The following ARL13B variants were observed in gnomAD, a reference collection of about 807,000 sequenced individuals.
ARL13B encodes the protein ARF like GTPase 13B.
A neutral mutation model predicts 56.1 loss-of-function variants in ARL13B; 36 were observed. That is an observed-to-expected ratio of 0.64 (90% CI 0.49 to 0.85). The LOEUF (loss-of-function observed/expected upper bound fraction) is 0.85, where lower values mean the gene tolerates loss of function less well. Ranked by LOEUF, ARL13B falls within the 40% of genes least tolerant of loss-of-function variation. The probability of loss-of-function intolerance (pLI) is 0.00; values close to 1 mark genes in which losing one functional copy is unlikely to be tolerated. For synonymous variants in ARL13B, 178 were observed against 171.1 expected (o/e 1.04, Z -0.32); for missense variants, 519 against 507.1 (o/e 1.02, Z -0.23).
intron 2 of ARL13B, among the ~76,000 whole-genome samples, chr3:94,000,390 G>T (rs1221094984): frequency 6.6e-6 from 1 of 150,866 alleles, no homozygotes; most frequent in African/African-American, 2.5e-5. Context: ...ATGAGCCTAG[G>T]TAAAAAAAAA....
intron 2 of ARL13B, among the ~76,000 whole-genome samples, chr3:93,998,533 A>G (rs893716692): frequency 2.6e-5 from 4 of 152,196 alleles, no homozygotes; most frequent in African/African-American, 9.7e-5. Context: ...AACTTCCCAG[A>G]TGTAAGCCTT....
chr3:94,050,833 G>A lies in ARL13B; in HGVS notation c.1151G>A (p.Gly384Glu), dbSNP rs146264035. Residue 384 changes from glycine (G) to glutamate (E), a missense_variant, in exon 9 of 10, where the codon GGA becomes GAA. Coordinates refer to ENST00000394222, the MANE Select transcript of ARL13B (RefSeq NM_001174150.2). ...TTTTCTTTTTCTTTAGTTGGCTGGG[G>A]AACCCCTAAAGTCACTAGACTTCCA... ...PPPPPPPVGW[G>E]TPKVTRLPKL... is the part of the protein sequence containing the mutation. The A allele has an allele frequency of 1.6e-3, 2,593 of 1,612,250 alleles. 8 individuals are homozygous for A. Among genetic ancestry groups the A allele is most frequent in the Middle Eastern group, 9.9e-3 (60 of 6,056 alleles).
chr3:94,018,506 TATTGGAAG>T (rs2076380642), intron 3 of ARL13B, among the ~76,000 whole-genome samples: 1 of 152,124 alleles, frequency 6.6e-6, no homozygotes, highest in Non-Finnish European at 1.5e-5. Flanking sequence ...CACCTGTAAA[TATTGGAAG>T]ATTTTAGACT....
intron 2 of ARL13B, among the ~76,000 whole-genome samples, chr3:94,003,128 T>C (rs1051436260): frequency 2.0e-5 from 3 of 152,236 alleles, no homozygotes; most frequent in Non-Finnish European, 4.4e-5. Flanking sequence ...TGAAATCTAC[T>C]TTTTGTTGCA....
At chr3:94,015,007 A>G in intron 3 of ARL13B, 1 of 1,614,042 alleles carries the variant, frequency 6.2e-7, no homozygotes, top group Non-Finnish European at 8.5e-7. Flanking sequence ...CTCTCTCTTA[A>G]GTAGACTAAA....
In ARL13B at chr3:94,053,670, G is replaced by C. The variant is rs2077101387; in HGVS notation, c.*407G>C. ...TGTAAGATATATGCACATAGAAGGG[G>C]GACTTCTAGGAATTTATAACCAAAA... On this transcript the variant is annotated 3_prime_UTR_variant, in exon 10 of 10. Transcript: ENST00000394222. 3.1e-6 allele frequency: 1 copy of C among 323,628 alleles called. No homozygotes were observed. Among genetic ancestry groups the C allele is most frequent in the African/African-American group, 2.2e-5 (1 of 45,000 alleles). 20.0% of individuals were successfully genotyped at this position (323,628 alleles called of 1,614,324 possible).
chr3:94,009,597 A>G (rs1007350841), intron 3 of ARL13B, among the ~76,000 whole-genome samples: 3 of 152,070 alleles, frequency 2.0e-5, no homozygotes, highest in Non-Finnish European at 4.4e-5. Flanking sequence ...CGGTCTGCCT[A>G]TGTCACATAA....
intron 1 of ARL13B, among the ~76,000 whole-genome samples, chr3:93,982,799 C>T (rs1057277340): frequency 1.3e-5 from 2 of 152,068 alleles, no homozygotes; most frequent in Non-Finnish European, 2.9e-5. Context: ...TAAATATTTG[C>T]CAAATATTGT....
At chr3:94,042,591 ATTC>A (rs1466331112) in intron 6 of ARL13B, among the ~76,000 whole-genome samples, 8 of 152,130 alleles carry the variant, frequency 5.3e-5, no homozygotes, top group African/African-American at 1.9e-4. Context: ...AAAAACTTCA[ATTC>A]TTTTTTGTTT....
chr3:94,015,224 C>G, intron 3 of ARL13B: 2 of 1,589,486 alleles, frequency 1.3e-6, no homozygotes, highest in Non-Finnish European at 1.7e-6. Context: ...CTAGAGAGTT[C>G]AATTTCCTTT....
chr3:94,005,438 C>T (rs1449372324), intron 3 of ARL13B, among the ~76,000 whole-genome samples: 1 of 152,152 alleles, frequency 6.6e-6, no homozygotes, highest in Non-Finnish European at 1.5e-5. Context: ...ATGCAGATAT[C>T]TGTGGAAACG....
At chr3:93,988,685 C>A in intron 1 of ARL13B, 5 of 471,250 alleles carry the variant, frequency 1.1e-5, no homozygotes, top group South Asian at 8.1e-5. Context: ...GGAGTCTCCT[C>A]GGTTTTAGTT....
At chr3:94,018,939 T>C (rs2076390949) in intron 3 of ARL13B, among the ~76,000 whole-genome samples, 1 of 151,728 alleles carries the variant, frequency 6.6e-6, no homozygotes, top group South Asian at 2.1e-4. Context: ...CTAATTTTTG[T>C]ATTTTTATTA....
chr3:94,048,399 C>T (rs1409223711), intron 7 of ARL13B, among the ~76,000 whole-genome samples: 2 of 152,044 alleles, frequency 1.3e-5, no homozygotes, highest in Non-Finnish European at 2.9e-5. Flanking sequence ...TCCTAATTTA[C>T]CTTACTAAAA....
intron 1 of ARL13B, among the ~76,000 whole-genome samples, chr3:93,992,111 A>G (rs1359107792): frequency 1.3e-5 from 2 of 152,206 alleles, no homozygotes; most frequent in African/African-American, 4.8e-5. Flanking sequence ...CTCTTAAGGT[A>G]AAAGCTAATT....
chr3:94,016,390 T>C (rs2076333724), intron 3 of ARL13B, among the ~76,000 whole-genome samples: 1 of 152,140 alleles, frequency 6.6e-6, no homozygotes, highest in African/African-American at 2.4e-5. Context: ...GATGTTGTCA[T>C]AGGAGGCATA....
intron 4 of ARL13B, among the ~76,000 whole-genome samples, chr3:94,035,678 G>A (rs555489400): frequency 2.0e-5 from 3 of 152,118 alleles, no homozygotes; most frequent in South Asian, 4.1e-4. Context: ...TCACATTTGC[G>A]TTTTAACATA....
At chr3:94,028,464 A>G (rs1338975392) in intron 3 of ARL13B, 2 of 152,252 alleles carry the variant, frequency 1.3e-5, no homozygotes, top group Non-Finnish European at 2.9e-5. Flanking sequence ...TGAACAAATT[A>G]TCTAAATCTC....
intron 3 of ARL13B, among the ~76,000 whole-genome samples, chr3:94,006,477 T>G (rs1228575876): frequency 2.6e-5 from 4 of 152,128 alleles, no homozygotes; most frequent in Non-Finnish European, 4.4e-5. Flanking sequence ...TCTTCACTAC[T>G]CCATTTCCCT....
Sources: allele counts gnomAD v4.1 joint callset (sites outside exome capture counted in the v4.1 genomes callset), GRCh38; gene constraint gnomAD v4.1.1; transcripts MANE v1.5; gene names NCBI Gene and HGNC (gene_info 2026-07-23, HGNC 2026-07-21).